Variants in RORA observed in about 807,000 individuals in gnomAD.
RORA encodes RAR related orphan receptor A.
In RORA, 7 loss-of-function variants were observed where a neutral mutation model predicts 69.5. The observed-to-expected ratio is 0.10, with a 90% CI of 0.06 to 0.19. The LOEUF (loss-of-function observed/expected upper bound fraction) is 0.19, where lower values mean the gene tolerates loss of function less well. RORA is among the 10% of genes least tolerant of loss of function. RORA has a pLI of 1.00. For missense variants in RORA, 457 were observed against 663.0 expected, an observed-to-expected ratio of 0.69 and a Z score of 3.41; for synonymous variants, 261 against 240.8, an observed-to-expected ratio of 1.08 and a Z score of -0.78.
intron 1 of RORA, among the ~76,000 whole-genome samples, chr15:61,109,874 G>A (rs1187231287): frequency 6.6e-6 from 1 of 152,136 alleles, no homozygotes; most frequent in African/African-American, 2.4e-5. Context: ...GGCATTCTAA[G>A]TACTAATATG....
chr15:60,963,399 T>C (rs2140344983), intron 1 of RORA, among the ~76,000 whole-genome samples: 1 of 152,286 alleles, frequency 6.6e-6, no homozygotes, highest in Admixed American at 6.5e-5. Flanking sequence ...TGAGGAATGA[T>C]GGAGGTGGAT....
At chr15:60,867,573 A>G (rs149975900) in intron 1 of RORA, among the ~76,000 whole-genome samples, 7 of 152,350 alleles carry the variant, frequency 4.6e-5, no homozygotes, top group African/African-American at 1.7e-4. Flanking sequence ...TATTTGACCT[A>G]CATCGCCCTT....
intron 1 of RORA, among the ~76,000 whole-genome samples, chr15:61,037,471 A>G (rs1170319154): frequency 6.6e-6 from 1 of 152,212 alleles, no homozygotes; most frequent in Non-Finnish European, 1.5e-5. Context: ...GTAGCACAAT[A>G]TATCCTAACA....
At chr15:61,210,247 A>G (rs1306305174) in intron 1 of RORA, among the ~76,000 whole-genome samples, 1 of 152,200 alleles carries the variant, frequency 6.6e-6, no homozygotes, top group Non-Finnish European at 1.5e-5. Flanking sequence ...GAAGACTCCA[A>G]ACTGCCCACA....
At chr15:61,188,349 T>C (rs1290699106) in intron 1 of RORA, among the ~76,000 whole-genome samples, 3 of 152,180 alleles carry the variant, frequency 2.0e-5, no homozygotes, top group Non-Finnish European at 4.4e-5. Context: ...TAAAACTTTA[T>C]TTACAAAACC....
At chr15:61,139,495 C>T (rs2079277575) in intron 1 of RORA, among the ~76,000 whole-genome samples, 1 of 152,248 alleles carries the variant, frequency 6.6e-6, no homozygotes, top group Non-Finnish European at 1.5e-5. Flanking sequence ...AAAAGGAGGG[C>T]GAGTCTTAAT....
In RORA at chr15:60,519,721, T is replaced by G. The variant is rs138313078; in HGVS notation, c.283-4964A>C. On this transcript the variant is annotated intron_variant, in intron 3 of 10. Transcript: ENST00000335670. ...GTTGCCTCCTGATCTGGATTAGGAG[T>G]CACATAAGAAAATCAGTCTCATGAG... Among the ~76,000 whole-genome samples the G allele has an allele frequency of 1.9e-4, 29 of 152,092 alleles. No homozygotes were observed. The East Asian group carries it at 5.0e-3, about 26-fold the overall frequency.
At chr15:61,077,598 C>A (rs1056447150) in intron 1 of RORA, among the ~76,000 whole-genome samples, 6 of 152,130 alleles carry the variant, frequency 3.9e-5, no homozygotes, top group Non-Finnish European at 5.9e-5. Flanking sequence ...AACTGAGAAG[C>A]CTACTGCCAA....
chr15:60,755,022 T>C (rs1320240968), intron 1 of RORA, among the ~76,000 whole-genome samples: 1 of 150,646 alleles, frequency 6.6e-6, no homozygotes, highest in Non-Finnish European at 1.5e-5. Context: ...TTAGGGCACA[T>C]GTGCACAGTG....
intron 3 of RORA, among the ~76,000 whole-genome samples, chr15:60,520,571 G>A (rs1288707363): frequency 2.6e-5 from 4 of 152,098 alleles, no homozygotes; most frequent in African/African-American, 9.7e-5. Flanking sequence ...GTGTTTCTAA[G>A]TACAGAGATA....
intron 2 of RORA, among the ~76,000 whole-genome samples, chr15:60,613,197 T>C (rs1409950350): frequency 6.6e-6 from 1 of 152,204 alleles, no homozygotes; most frequent in Non-Finnish European, 1.5e-5. Context: ...CATGTATCAC[T>C]ACAACCGCCT....
intron 2 of RORA, among the ~76,000 whole-genome samples, chr15:60,595,998 G>A (rs551112599): frequency 6.6e-6 from 1 of 152,274 alleles, no homozygotes; most frequent in East Asian, 1.9e-4. Context: ...GGAAAAGATG[G>A]GTGCATTTTT....
intron 1 of RORA, among the ~76,000 whole-genome samples, chr15:61,149,221 T>C (rs1377285749): frequency 6.6e-6 from 1 of 152,176 alleles, no homozygotes; most frequent in African/African-American, 2.4e-5. Flanking sequence ...TTGTGATTGT[T>C]CGTGTTACTG....
At chr15:60,573,297 A>C (rs35599192) in intron 2 of RORA, among the ~76,000 whole-genome samples, 2 of 152,160 alleles carry the variant, frequency 1.3e-5, no homozygotes, top group African/African-American at 2.4e-5. Context: ...ATTTATATCA[A>C]GCAAAGTGCA....
At chr15:61,117,429 C>T (rs180862642) in intron 1 of RORA, among the ~76,000 whole-genome samples, 2 of 152,286 alleles carry the variant, frequency 1.3e-5, no homozygotes, top group East Asian at 3.9e-4. Context: ...TCCACTCCTA[C>T]AAATTGCTGA....
At chr15:61,092,544 A>G (rs1293049189) in intron 1 of RORA, among the ~76,000 whole-genome samples, 1 of 152,234 alleles carries the variant, frequency 6.6e-6, no homozygotes, top group Non-Finnish European at 1.5e-5. Flanking sequence ...ATAACACTAC[A>G]TGAAAATGAA....
intron 1 of RORA, among the ~76,000 whole-genome samples, chr15:60,948,120 T>C (rs1401247485): frequency 6.6e-6 from 1 of 152,030 alleles, no homozygotes; most frequent in African/African-American, 2.4e-5. Context: ...ATGCGAGACA[T>C]GCCCAAGACG....
At chr15:60,728,847 C>G (rs777221047) in intron 1 of RORA, among the ~76,000 whole-genome samples, 1 of 151,770 alleles carries the variant, frequency 6.6e-6, no homozygotes, top group South Asian at 2.1e-4. Flanking sequence ...AGTCAGAGTG[C>G]GAAAAGTACT....
At chr15:60,930,675 C>A (rs974739546) in intron 1 of RORA, among the ~76,000 whole-genome samples, 10 of 152,196 alleles carry the variant, frequency 6.6e-5, no homozygotes, top group Admixed American at 2.0e-4. Context: ...CTTCTGAATT[C>A]CTTCCTTGAA....
Sources: allele counts gnomAD v4.1 joint callset (sites outside exome capture counted in the v4.1 genomes callset), GRCh38; gene constraint gnomAD v4.1.1; transcripts MANE v1.5; gene names NCBI Gene and HGNC (gene_info 2026-07-23, HGNC 2026-07-21).